The following KCNMA1 variants were observed in gnomAD, a reference collection of about 807,000 sequenced individuals.
The protein encoded by KCNMA1 is Calcium-activated potassium channel subunit alpha-1.
Under a neutral mutation model 140.0 loss-of-function variants are expected in KCNMA1, and 29 were observed. The observed-to-expected ratio is 0.21, with a 90% confidence interval of 0.15 to 0.28. KCNMA1 has a LOEUF of 0.28. Among genes scored for constraint, KCNMA1 ranks in the 10% least tolerant of loss-of-function variants. The probability of loss-of-function intolerance (pLI) is 1.00; values close to 1 mark genes in which losing one functional copy is unlikely to be tolerated. For synonymous variants in KCNMA1, 612 were observed against 611.9 expected, an observed-to-expected ratio of 1.00 and a Z score of 0.00; for missense variants, 880 against 1,602.2, an observed-to-expected ratio of 0.55 and a Z score of 7.70.
chr10:77,316,638 C>T (rs1182725476), intron 2 of KCNMA1, among the ~76,000 whole-genome samples: 3 of 152,146 alleles, frequency 2.0e-5, no homozygotes, highest in Non-Finnish European at 2.9e-5. Flanking sequence ...AAGCAAGGCT[C>T]TAGAGCTGGC....
intron 1 of KCNMA1, among the ~76,000 whole-genome samples, chr10:77,584,436 C>A (rs2076692124): frequency 6.6e-6 from 1 of 152,312 alleles, no homozygotes; most frequent in East Asian, 1.9e-4. Context: ...CTCACTGCAA[C>A]CCCTGCCTCC....
intron 1 of KCNMA1, among the ~76,000 whole-genome samples, chr10:77,577,435 C>T (rs184231769): frequency 2.8e-4 from 42 of 152,180 alleles, no homozygotes; most frequent in African/African-American, 9.6e-4. Context: ...CATCAAGGAC[C>T]GGGAGAGACC....
chr10:77,182,697 G>A (rs2098812770), intron 5 of KCNMA1, among the ~76,000 whole-genome samples: 1 of 152,144 alleles, frequency 6.6e-6, no homozygotes, highest in Non-Finnish European at 1.5e-5. Flanking sequence ...TTCTTCCCTA[G>A]TAGACCCCAT....
intron 2 of KCNMA1, among the ~76,000 whole-genome samples, chr10:77,383,709 T>C (rs1487842149): frequency 6.6e-6 from 1 of 152,168 alleles, no homozygotes; most frequent in Non-Finnish European, 1.5e-5. Context: ...ACTTACAGCA[T>C]TGTTGCTTTT....
At chr10:77,404,367 C>G (rs140397311) in intron 1 of KCNMA1, among the ~76,000 whole-genome samples, 1 of 152,052 alleles carries the variant, frequency 6.6e-6, no homozygotes, top group South Asian at 2.1e-4. Context: ...CAACCTCCAC[C>G]CACCAGGTGC....
At chr10:77,210,659 A>C (rs910641501) in intron 3 of KCNMA1, among the ~76,000 whole-genome samples, 1 of 152,228 alleles carries the variant, frequency 6.6e-6, no homozygotes, top group Non-Finnish European at 1.5e-5. Flanking sequence ...CTTTACTTAG[A>C]AAACCCTAAA....
At position 77,470,453 on chromosome 10, in the gene KCNMA1, C is replaced by T. The variant is rs115168860; in HGVS notation, c.379-66430G>A. On this transcript the variant is annotated intron_variant, in intron 1 of 27. Coordinates refer to ENST00000286628, the MANE Select transcript of KCNMA1 (RefSeq NM_001161352.2). ...CATCCAGAAATGTAAACCAAAGGCC[C>T]GGCACCCTACCTTGAACACCCAGTG... Among the ~76,000 whole-genome samples, 611 of 152,168 alleles carry T rather than the reference C, an allele frequency of 4.0e-3. 5 individuals carry two copies. Among genetic ancestry groups the T allele is most frequent in the African/African-American group, 0.014 (564 of 41,506 alleles).
At chr10:77,288,455 T>C (rs770001952) in intron 2 of KCNMA1, among the ~76,000 whole-genome samples, 16 of 152,222 alleles carry the variant, frequency 1.1e-4, no homozygotes, top group Non-Finnish European at 2.2e-4. Flanking sequence ...GGTGGCCGAA[T>C]ATAGAATCCT....
chr10:77,128,036 C>T (rs1460906191), intron 5 of KCNMA1, among the ~76,000 whole-genome samples: 3 of 152,088 alleles, frequency 2.0e-5, no homozygotes, highest in East Asian at 1.9e-4. Context: ...CAAATAAGAG[C>T]TCATGGCTGT....
intron 6 of KCNMA1, 132 bp from the exon 7 acceptor site, chr10:77,112,574 A>G: frequency 9.9e-6 from 7 of 705,190 alleles, no homozygotes; most frequent in Non-Finnish European, 1.0e-5. Flanking sequence ...TCTCCATTAT[A>G]AGGGAATTCT....
At chr10:77,184,980 G>A (rs922788886) in intron 3 of KCNMA1, 64 bp from the exon 4 acceptor site, 14 of 962,982 alleles carry the variant, frequency 1.5e-5, no homozygotes, top group South Asian at 2.6e-5. Context: ...TGTCTCCCAC[G>A]ATGCTGAGAA....
At chr10:77,143,229 G>A (rs377628278) in intron 5 of KCNMA1, among the ~76,000 whole-genome samples, 13 of 152,126 alleles carry the variant, frequency 8.5e-5, no homozygotes, top group African/African-American at 3.1e-4. Flanking sequence ...CTTTAGAATC[G>A]AGTAAATAGA....
At chr10:77,627,109 A>G (rs780364469) in intron 1 of KCNMA1, among the ~76,000 whole-genome samples, 17 of 152,192 alleles carry the variant, frequency 1.1e-4, no homozygotes, top group African/African-American at 3.1e-4. Context: ...AGGAGACCCA[A>G]TGAGCAGGTG....
intron 1 of KCNMA1, among the ~76,000 whole-genome samples, chr10:77,499,436 TACAC>T (rs10672811): frequency 1.8e-4 from 26 of 142,902 alleles, no homozygotes; most frequent in Admixed American, 5.6e-4. Flanking sequence ...CACACACACA[TACAC>T]ACACACACAC....
At chr10:77,587,627 G>T in intron 1 of KCNMA1, 2 of 828,194 alleles carry the variant, frequency 2.4e-6, no homozygotes, top group Non-Finnish European at 2.9e-6. Flanking sequence ...CTGGGCTGCG[G>T]GCCCCTGAGT....
At chr10:76,932,510 C>CA (rs2059523717) in intron 23 of KCNMA1, among the ~76,000 whole-genome samples, 1 of 152,178 alleles carries the variant, frequency 6.6e-6, no homozygotes, top group Non-Finnish European at 1.5e-5. Context: ...AACTTGACTG[C>CA]AAAGTGCTAT....
chr10:77,031,876 G>A (rs997562977), intron 15 of KCNMA1, among the ~76,000 whole-genome samples: 1 of 152,196 alleles, frequency 6.6e-6, no homozygotes, highest in African/African-American at 2.4e-5. Context: ...ATAAATAAAT[G>A]CATGTATGAA....
At chr10:76,900,532 A>C (rs959640493) in intron 25 of KCNMA1, among the ~76,000 whole-genome samples, 1 of 152,236 alleles carries the variant, frequency 6.6e-6, no homozygotes, top group South Asian at 2.1e-4. Context: ...TCTGTAAAAA[A>C]GAAAGTAAAT....
rs1167442087 is a variant in KCNMA1 at position 76,953,781 on chromosome 10, A to G, written c.2484+20T>C. ...TTGGGGCAGAAGCGGGCAACATCAGATGCACAGTCCCTCACTCACCAGGAT... is the reference window on the plus strand; with the variant it reads ...TTGGGGCAGAAGCGGGCAACATCAGGTGCACAGTCCCTCACTCACCAGGAT... On this transcript the variant is annotated intron_variant, in intron 21 of 27. Transcript: ENST00000286628. 5 of 1,613,940 alleles carry G rather than the reference A, an allele frequency of 3.1e-6. No individual in the cohort carries two copies. Among genetic ancestry groups the G allele is most frequent in the Admixed American group, 1.7e-5 (1 of 60,018 alleles).
Sources: allele counts gnomAD v4.1 joint callset (sites outside exome capture counted in the v4.1 genomes callset), GRCh38; gene constraint gnomAD v4.1.1; transcripts MANE v1.5; gene names NCBI Gene and HGNC (gene_info 2026-07-23, HGNC 2026-07-21).